CDH23: variants seen among roughly 807,000 people sequenced by gnomAD.
The protein encoded by CDH23 is cadherin related 23.
In CDH23, 189 loss-of-function variants were observed where a neutral mutation model predicts 317.1. The observed-to-expected ratio is 0.60, with a 90% CI of 0.53 to 0.67. CDH23 has a LOEUF of 0.67. Ranked by LOEUF, CDH23 falls within the 30% of genes least tolerant of loss-of-function variation. The pLI is 0.00. For synonymous variants in CDH23, 1,839 were observed against 1,876.8 expected, an observed-to-expected ratio of 0.98 and a Z score of 0.52; for missense variants, 4,401 against 4,592.4, an observed-to-expected ratio of 0.96 and a Z score of 1.20.
chr10:71,567,270 C>T (rs953255160), intron 7 of CDH23, among the ~76,000 whole-genome samples: 5 of 152,232 alleles, frequency 3.3e-5, no homozygotes, highest in Non-Finnish European at 5.9e-5. Flanking sequence ...GACTCCATAG[C>T]CTGCTCGGGT....
chr10:71,499,377 C>T (rs1344982979), intron 3 of CDH23, among the ~76,000 whole-genome samples: 2 of 152,020 alleles, frequency 1.3e-5, no homozygotes, highest in East Asian at 3.9e-4. Context: ...ACCTGACCAA[C>T]ATGGCAAAAC....
chr10:71,432,148 G>T (rs1261492305), intron 1 of CDH23, among the ~76,000 whole-genome samples: 1 of 152,136 alleles, frequency 6.6e-6, no homozygotes, highest in Non-Finnish European at 1.5e-5. Context: ...CAGTGGGGTG[G>T]GGGCATTTTG....
intron 2 of CDH23, 21 bp from the exon 3 acceptor site, chr10:71,446,297 C>A (rs1221267601): frequency 6.2e-7 from 1 of 1,613,196 alleles, no homozygotes; most frequent in African/African-American, 1.3e-5. Flanking sequence ...TTGGCTGACG[C>A]TCTTGTCCTC....
At chr10:71,522,472 G>A (rs1854755386) in intron 6 of CDH23, among the ~76,000 whole-genome samples, 1 of 152,172 alleles carries the variant, frequency 6.6e-6, no homozygotes, top group Admixed American at 6.5e-5. Flanking sequence ...TCCCCACACT[G>A]GTTAGGAGCA....
chr10:71,625,737 G>A (rs530993172), intron 11 of CDH23, among the ~76,000 whole-genome samples: 3 of 152,306 alleles, frequency 2.0e-5, no homozygotes, highest in East Asian at 1.9e-4. Context: ...CTTCTCCTGC[G>A]GGCCTCTTCG....
At chr10:71,398,955 T>C (rs1847661514) in intron 1 of CDH23, among the ~76,000 whole-genome samples, 1 of 152,176 alleles carries the variant, frequency 6.6e-6, no homozygotes, top group Non-Finnish European at 1.5e-5. Flanking sequence ...TTCTCAGACT[T>C]GGCCTTCCTC....
intron 14 of CDH23, among the ~76,000 whole-genome samples, chr10:71,672,210 G>T (rs1487343402): frequency 2.6e-5 from 4 of 152,084 alleles, no homozygotes; most frequent in Non-Finnish European, 5.9e-5. Flanking sequence ...TCAAGCGGAG[G>T]GGGCAGAGCC....
chr10:71,540,928 C>T (rs986145762), intron 6 of CDH23, among the ~76,000 whole-genome samples: 1 of 151,980 alleles, frequency 6.6e-6, no homozygotes, highest in African/African-American at 2.4e-5. Context: ...CCCCAGTTTC[C>T]ACCCCAAAGT....
At position 71,466,872 on chromosome 10, in the gene CDH23, A is replaced by AGG. The variant is rs969089500; in HGVS notation, c.145+20480_145+20481dup. Among the ~76,000 whole-genome samples the AGG allele has an allele frequency of 6.0e-5, 9 of 150,874 alleles. No homozygotes were observed. In the South Asian group the frequency reaches 6.4e-4, roughly 11 times the overall value. ...CTCCGCCCATTGACAAGACAGCATG[A>AGG]GGGGTGTGTGTGTGTGTGTGTGCAC... is the stretch of plus-strand genomic sequence containing the variant. On this transcript the variant is annotated intron_variant, in intron 3 of 69. Transcript: ENST00000224721.
At chr10:71,786,600 C>G (rs141751138) in intron 44 of CDH23, among the ~76,000 whole-genome samples, 2 of 149,136 alleles carry the variant, frequency 1.3e-5, no homozygotes, top group African/African-American at 5.0e-5. Context: ...CAGGTTCAAG[C>G]GATTCTTGTG....
At chr10:71,461,722 C>T (rs771206238) in intron 3 of CDH23, among the ~76,000 whole-genome samples, 37 of 152,232 alleles carry the variant, frequency 2.4e-4, no homozygotes, top group Non-Finnish European at 4.9e-4. Context: ...AGGTCCTCAT[C>T]GCAACCCCGA....
chr10:71,584,557 T>TGTGTGTGTGTGC (rs1211072351), intron 9 of CDH23, among the ~76,000 whole-genome samples: 8 of 151,934 alleles, frequency 5.3e-5, no homozygotes, highest in South Asian at 4.2e-4. Flanking sequence ...TGTGTGTGTG[T>TGTGTGTGTGTGC]GTGTGTGTGT....
intron 9 of CDH23, among the ~76,000 whole-genome samples, chr10:71,601,950 G>A (rs1283283581): frequency 1.1e-4 from 14 of 123,126 alleles, no homozygotes; most frequent in Non-Finnish European, 1.9e-4. Context: ...CCTGGGCTGG[G>A]TGGGCGGCGG....
At chr10:71,426,501 G>A (rs1402592525) in intron 1 of CDH23, among the ~76,000 whole-genome samples, 1 of 152,184 alleles carries the variant, frequency 6.6e-6, no homozygotes, top group Non-Finnish European at 1.5e-5. Context: ...CTTCAGGTGA[G>A]GCAGGAGGGG....
chr10:71,725,738 T>A (rs1364570187), intron 30 of CDH23, among the ~76,000 whole-genome samples: 1 of 152,018 alleles, frequency 6.6e-6, no homozygotes, highest in African/African-American at 2.4e-5. Flanking sequence ...TGGAAAGGAG[T>A]CAGTGATACT....
chr10:71,476,463 G>A (rs1851800660), intron 3 of CDH23, among the ~76,000 whole-genome samples: 1 of 152,126 alleles, frequency 6.6e-6, no homozygotes, highest in African/African-American at 2.4e-5. Flanking sequence ...GCCAAGAAAG[G>A]GGCAAGATGT....
chr10:71,410,744 G>A (rs1848312131), intron 1 of CDH23, among the ~76,000 whole-genome samples: 1 of 152,124 alleles, frequency 6.6e-6, no homozygotes, highest in Non-Finnish European at 1.5e-5. Context: ...ATAATGCAGT[G>A]GGTTCTCTTT....
chr10:71,652,561 T>C (rs985716880), intron 14 of CDH23, among the ~76,000 whole-genome samples: 5 of 152,198 alleles, frequency 3.3e-5, no homozygotes. Flanking sequence ...TCTGCCGCAG[T>C]GGACCCTGGA....
At chr10:71,457,710 A>C (rs1850766540) in intron 3 of CDH23, among the ~76,000 whole-genome samples, 1 of 152,248 alleles carries the variant, frequency 6.6e-6, no homozygotes, top group African/African-American at 2.4e-5. Context: ...GAGCCTGGGC[A>C]AGTCAATTTC....
Sources: gnomAD v4.1 joint callset for allele counts (sites outside exome capture counted in the v4.1 genomes callset) on GRCh38, gnomAD v4.1.1 for gene constraint, MANE v1.5 for transcripts, NCBI Gene and HGNC (gene_info 2026-07-23, HGNC 2026-07-21) for gene names.